Variants in RUNX2 observed in about 807,000 individuals in gnomAD.
RUNX2 encodes the protein RUNX family transcription factor 2.
Under a neutral mutation model 51.7 loss-of-function variants are expected in RUNX2, and 10 were observed. The observed-to-expected ratio is 0.19, with a 90% CI of 0.12 to 0.33. The LOEUF is 0.33. RUNX2 is among the 10% of genes least tolerant of loss of function. The probability of loss-of-function intolerance (pLI) is 1.00; values close to 1 mark genes in which losing one functional copy is unlikely to be tolerated. For synonymous variants in RUNX2, 276 were observed against 273.6 expected, an observed-to-expected ratio of 1.01 and a Z score of -0.09; for missense variants, 562 against 691.3, an observed-to-expected ratio of 0.81 and a Z score of 2.10.
chr6:45,365,924 T>C (rs1038778681), intron 2 of RUNX2, among the ~76,000 whole-genome samples: 1 of 152,102 alleles, frequency 6.6e-6, no homozygotes, highest in African/African-American at 2.4e-5. Context: ...TACTCAATTT[T>C]AAATGTGACA....
intron 2 of RUNX2, among the ~76,000 whole-genome samples, chr6:45,389,137 GTA>G (rs1395194898): frequency 3.3e-4 from 50 of 152,328 alleles, no homozygotes; most frequent in Non-Finnish European, 1.5e-5. Context: ...TGAACAAATA[GTA>G]AATAAATATT....
intron 3 of RUNX2, among the ~76,000 whole-genome samples, chr6:45,424,822 AT>A (rs1011017347): frequency 2.3e-4 from 34 of 149,270 alleles, no homozygotes; most frequent in African/African-American, 4.7e-4. Flanking sequence ...GGCTCAAGAA[AT>A]TTTTTTTTTT....
intron 6 of RUNX2, among the ~76,000 whole-genome samples, chr6:45,495,576 C>T (rs886435243): frequency 2.6e-5 from 4 of 152,144 alleles, no homozygotes; most frequent in African/African-American, 7.2e-5. Flanking sequence ...TTGGACAAGA[C>T]GTTTGTAACA....
intron 2 of RUNX2, among the ~76,000 whole-genome samples, chr6:45,382,555 T>C (rs931675529): frequency 2.0e-5 from 3 of 152,182 alleles, no homozygotes; most frequent in Non-Finnish European, 4.4e-5. Flanking sequence ...TGAGAACAAC[T>C]TGTGCAAACC....
chr6:45,378,086 C>T (rs1482699230), intron 2 of RUNX2: 3 of 152,080 alleles, frequency 2.0e-5, no homozygotes, highest in Admixed American at 6.5e-5. Flanking sequence ...CTCTCCCAGC[C>T]CGAGCGAGCT....
intron 7 of RUNX2, among the ~76,000 whole-genome samples, chr6:45,536,900 C>A (rs76130013): frequency 0.027 from 4,061 of 152,242 alleles, 193 homozygotes; most frequent in African/African-American, 0.093. Flanking sequence ...TTGGCTGGAC[C>A]TGCAGCTGGG....
Position 45,452,106 on chromosome 6 carries a change from G to A in RUNX2, c.685+14055G>A, listed in dbSNP as rs139230762. Among the ~76,000 whole-genome samples, 3 of 152,264 alleles carry A rather than the reference G, an allele frequency of 2.0e-5. No homozygotes were observed. The East Asian group carries it at 5.8e-4, about 29-fold the overall frequency. On this transcript the variant is annotated intron_variant, in intron 5 of 8. Transcript: ENST00000647337. ...ATGTTTTATTGTTAGAAAAACCCAC[G>A]TTCATTTGATTTGTATATTCCAGAT...
intron 5 of RUNX2, among the ~76,000 whole-genome samples, chr6:45,489,756 A>G (rs1319903208): frequency 6.6e-6 from 1 of 152,230 alleles, no homozygotes; most frequent in African/African-American, 2.4e-5. Flanking sequence ...GACAAGTACT[A>G]TATAATTCCC....
chr6:45,534,787 T>C (rs753220858), intron 7 of RUNX2, among the ~76,000 whole-genome samples: 4 of 152,216 alleles, frequency 2.6e-5, no homozygotes, highest in African/African-American at 9.7e-5. Flanking sequence ...ATTGCCATCA[T>C]TTTTCCCTTA....
At chr6:45,381,360 A>T (rs989453959) in intron 2 of RUNX2, among the ~76,000 whole-genome samples, 1 of 152,260 alleles carries the variant, frequency 6.6e-6, no homozygotes, top group South Asian at 2.1e-4. Flanking sequence ...CAAAGGATGG[A>T]TACTAAAGTT....
At chr6:45,500,806 C>T (rs537229016) in intron 6 of RUNX2, among the ~76,000 whole-genome samples, 22 of 152,268 alleles carry the variant, frequency 1.4e-4, no homozygotes, top group African/African-American at 5.3e-4. Flanking sequence ...GCTAGGCTGT[C>T]GTGGACCGTC....
chr6:45,431,541 G>A (rs1037965600), intron 3 of RUNX2, among the ~76,000 whole-genome samples: 1 of 152,174 alleles, frequency 6.6e-6, no homozygotes, highest in Non-Finnish European at 1.5e-5. Flanking sequence ...TGCAGATGGG[G>A]CATCCCTCTT....
chr6:45,437,904 T>G (rs1798730298), intron 4 of RUNX2, 43 bp from the exon 5 acceptor site: 2 of 1,395,834 alleles, frequency 1.4e-6, no homozygotes, highest in Non-Finnish European at 2.0e-6. Context: ...ATCAACACTG[T>G]TTTTTAATAT....
chr6:45,432,132 T>C, intron 4 of RUNX2, 113 bp downstream of exon 4: 1 of 1,035,208 alleles, frequency 9.7e-7, no homozygotes, highest in South Asian at 1.4e-5. Context: ...ATAGAATTAC[T>C]GAAGATTTGA....
chr6:45,368,364 A>T (rs912891024), intron 2 of RUNX2, among the ~76,000 whole-genome samples: 1 of 152,176 alleles, frequency 6.6e-6, no homozygotes, highest in Non-Finnish European at 1.5e-5. Flanking sequence ...GAGAAGAAAA[A>T]TTGGCATTTA....
At chr6:45,465,211 A>G (rs1484179970) in intron 5 of RUNX2, among the ~76,000 whole-genome samples, 2 of 152,190 alleles carry the variant, frequency 1.3e-5, no homozygotes, top group Non-Finnish European at 2.9e-5. Flanking sequence ...TAGGCATTCC[A>G]TAGATACTCT....
chr6:45,521,966 T>C (rs940293733), intron 7 of RUNX2, among the ~76,000 whole-genome samples: 11 of 152,232 alleles, frequency 7.2e-5, no homozygotes, highest in Non-Finnish European at 4.4e-5. Flanking sequence ...TAGAGCTGTT[T>C]TTTTGTAGAT....
intron 8 of RUNX2, 36 bp downstream of exon 8, chr6:45,545,318 T>G: frequency 6.7e-7 from 1 of 1,502,036 alleles, no homozygotes; most frequent in Non-Finnish European, 9.0e-7. Flanking sequence ...TGGGCAGGGC[T>G]GGGCTGGGCT....
At chr6:45,388,931 G>A (rs1484739367) in intron 2 of RUNX2, among the ~76,000 whole-genome samples, 1 of 152,116 alleles carries the variant, frequency 6.6e-6, no homozygotes, top group South Asian at 2.1e-4. Flanking sequence ...CCCCTATATA[G>A]CAATTCTCAA....
Sources: allele counts gnomAD v4.1 joint callset (sites outside exome capture counted in the v4.1 genomes callset), GRCh38; gene constraint gnomAD v4.1.1; transcripts MANE v1.5; gene names NCBI Gene and HGNC (gene_info 2026-07-23, HGNC 2026-07-21).